DQX1: variants seen among roughly 807,000 people sequenced by gnomAD.
The protein encoded by DQX1 is ATP-dependent RNA helicase homolog DQX1.
A neutral mutation model predicts 81.3 loss-of-function variants in DQX1; 66 were observed. The ratio of observed to expected loss-of-function variants is 0.81; its 90% confidence interval spans 0.67 to 1.00. DQX1 has a LOEUF of 1.00. Among genes scored for constraint, DQX1 ranks in the 50% least tolerant of loss-of-function variants. DQX1 has a pLI of 0.00. For synonymous variants in DQX1, 290 were observed against 350.0 expected, an observed-to-expected ratio of 0.83 and a Z score of 1.91; for missense variants, 798 against 867.9, an observed-to-expected ratio of 0.92 and a Z score of 1.01.
Position 74,525,114 on chromosome 2 carries a change from C to T in DQX1, c.326G>A (p.Arg109Gln), listed in dbSNP as rs370340404. The T allele has an allele frequency of 1.7e-4, 278 of 1,614,054 alleles. No homozygotes were observed. The South Asian group carries it at 2.1e-3, about 12-fold the overall frequency. Reference sequence around the variant, plus strand: ...ATCAGCAACCCGCAGAGCCAGGCTCCGGGCTGCAAGAGGGTAGGGCTGAGT... The same window carrying T: ...ATCAGCAACCCGCAGAGCCAGGCTCTGGGCTGCAAGAGGGTAGGGCTGAGT... ...TVTQPYPLAA[R>Q]SLALRVADEM... The change falls in exon 3 of 12, where the codon CGG becomes CAG. Residue 109 changes from arginine (R) to glutamine (Q), a missense_variant. Arg to Gln is a conservative substitution (Grantham distance 43, BLOSUM62 1). Transcript: ENST00000404568. The surrounding 1 kb of genome is among the most constrained non-coding windows in gnomAD (Gnocchi z 4.1).
intron 8 of DQX1, among the ~76,000 whole-genome samples, chr2:74,522,328 T>C (rs964199642): frequency 6.6e-6 from 1 of 151,638 alleles, no homozygotes; most frequent in Non-Finnish European, 1.5e-5. Context: ...GAGGATAGGG[T>C]TGAGGAAGAG....
Position 74,519,594 on chromosome 2 carries a change from C to G in DQX1, c.1768G>C (p.Asp590His). ...CCTGACACCAGTGCTTTCTGAAGGT[C>G]TCTGCGATTCTGCTCAGAGCCAAAG... ...PAFGSEQNRR[D>H]LQKALVSGYF... The change falls in exon 10 of 12, where the codon GAC (aspartate) becomes CAC (histidine). Residue 590 changes from aspartate (D) to histidine (H), a missense_variant. Asp to His is a moderately conservative substitution (Grantham distance 81). Coordinates refer to ENST00000404568, the MANE Select transcript of DQX1 (RefSeq NM_133637.3). 6.2e-7 allele frequency: 1 copy of G among 1,614,218 alleles called. No individual in the cohort carries two copies. The highest frequency in any genetic ancestry group is 8.5e-7 in the Non-Finnish European group (1 of 1,180,040).
At position 74,523,506 on chromosome 2, in the gene DQX1, C is replaced by T. The variant is rs1374094004; in HGVS notation, c.848G>A (p.Arg283Lys). Reference protein sequence around the residue: ...EISLCCESLSREVESLLLQGL... With the variant: ...EISLCCESLSKEVESLLLQGL... ...TTGGAGAAGCAAGGACTCTACCTCC[C>T]TGGACAAGGATTCACAGCACAGGGA... The change falls in exon 5 of 12, where the codon AGG becomes AAG. Residue 283 changes from arginine (R) to lysine (K), a missense_variant. Physicochemically the swap from Arg to Lys is conservative, Grantham distance 26. Transcript: ENST00000404568. 1.2e-6 allele frequency: 2 copies of T among 1,613,876 alleles called. No individual in the cohort carries two copies. The highest frequency in any genetic ancestry group is 1.1e-5 in the South Asian group (1 of 91,068).
At chr2:74,522,487 A>G (rs980499778) in intron 8 of DQX1, 93 bp downstream of exon 8, 1 of 1,459,922 alleles carries the variant, frequency 6.8e-7, no homozygotes, top group Admixed American at 2.2e-5. Context: ...CAACTGGAGC[A>G]GAGAGGAAAG....
At position 74,519,090 on chromosome 2, in the gene DQX1, G is replaced by A. The variant is rs771492747; in HGVS notation, c.1947C>T (p.Thr649=). ...TGGAAAGGCAGTTGTCTTTGGATAT[G>A]GTGAAATTGTGGTAGAGCACCCATG... ...PPPWVLYHNF[T]ISKDNCLSIV... The change falls in exon 11 of 12, where the codon ACC becomes ACT. Residue 649 remains threonine, a synonymous_variant. Transcript: ENST00000404568. 1 of 1,602,208 alleles carries A rather than the reference G, an allele frequency of 6.2e-7. No individual in the cohort carries two copies. Among genetic ancestry groups the A allele is most frequent in the Non-Finnish European group, 8.5e-7 (1 of 1,176,200 alleles).
intron 10 of DQX1, 53 bp from the exon 11 acceptor site, chr2:74,519,283 A>G (rs1230653334): frequency 4.6e-6 from 7 of 1,511,480 alleles, no homozygotes; most frequent in South Asian, 1.3e-5. Context: ...AGAGGCAGGC[A>G]GTAGAAAAAA....
chr2:74,523,567 G>T, intron 4 of DQX1, 30 bp from the exon 5 acceptor site: 1 of 1,579,800 alleles, frequency 6.3e-7, no homozygotes, highest in Non-Finnish European at 8.7e-7. Flanking sequence ...GGGCATTAGG[G>T]CAGTTCTCAC....
rs1385763845 is a variant in DQX1 at position 74,520,039 on chromosome 2, A to G, written c.1496-5T>C. ...GACGGGTAAACCCAGGGGCAGCTGG[A>G]GGCAGAAGAGTGGAAGGTAGAATCT... is the stretch of plus-strand genomic sequence containing the variant. On this transcript the variant is annotated splice_region_variant and splice_polypyrimidine_tract_variant and intron_variant, in intron 8 of 11. Transcript: ENST00000404568. 8 of 1,610,544 alleles carry G rather than the reference A, an allele frequency of 5.0e-6. No homozygotes were observed. The highest frequency in any genetic ancestry group is 6.8e-6 in the Non-Finnish European group (8 of 1,177,196).
At position 74,525,374 on chromosome 2, in the gene DQX1, A is replaced by T. The variant is rs1443458362; in HGVS notation, c.237+119T>A. 9 of 1,280,936 alleles carry T rather than the reference A, an allele frequency of 7.0e-6. No homozygotes were observed. The African/African-American group carries it at 1.3e-4, about 19-fold the overall frequency. 79.3% of individuals were successfully genotyped at this position (1,280,936 alleles called of 1,614,324 possible). A position where few individuals can be genotyped will look rare whatever the true frequency, so the allele number is the denominator to read the frequency against. ...CCATCTCTCTTCGTTCACCTTCCTC[A>T]TGACCCCACGCAGCCCAGTCCCCCC... On this transcript the variant is annotated intron_variant, in intron 2 of 11. Coordinates refer to ENST00000404568, the MANE Select transcript of DQX1 (RefSeq NM_133637.3). The surrounding 1 kb of genome is among the most constrained non-coding windows in gnomAD (Gnocchi z 4.1).
Position 74,523,997 on chromosome 2 carries a change from C to A in DQX1, c.742G>T (p.Ala248Ser). 1 of 1,614,056 alleles carries A rather than the reference C, an allele frequency of 6.2e-7. No individual in the cohort carries two copies. Among genetic ancestry groups the A allele is most frequent in the Non-Finnish European group, 8.5e-7 (1 of 1,179,936 alleles). ...CACAATTCAAGCACTGCTTGGCAGG[C>A]AGCTTCCACCCGATCAGGTGGGATG... is the stretch of plus-strand genomic sequence containing the variant. Reference protein sequence around the residue: ...DTIPPDRVEAACQAVLELCRK... With the variant: ...DTIPPDRVEASCQAVLELCRK... Residue 248 changes from alanine to serine, a missense_variant, in exon 4 of 12, where the codon GCC (alanine) becomes TCC (serine). Transcript: ENST00000404568.
Position 74,523,479 on chromosome 2 carries a change from C to A in DQX1, c.875G>T (p.Gly292Val). 1 of 1,614,066 alleles carries A rather than the reference C, an allele frequency of 6.2e-7. No homozygotes were observed. The highest frequency in any genetic ancestry group is 8.5e-7 in the Non-Finnish European group (1 of 1,180,014). The change falls in exon 5 of 12, where the codon GGG becomes GTG. Residue 292 changes from glycine (G) to valine (V), a missense_variant. Physicochemically the swap from Gly to Val is moderately radical, Grantham distance 109 (BLOSUM62 -3). Coordinates refer to ENST00000404568, the MANE Select transcript of DQX1 (RefSeq NM_133637.3). ...SREVESLLLQ[G>V]LPPRVLPLHP... The stretch of plus-strand genomic sequence containing the variant: ...AAGGGGCAGTACTCGTGGTGGAAGC[C>A]CTTGGAGAAGCAAGGACTCTACCTC...
intron 8 of DQX1, among the ~76,000 whole-genome samples, 187 bp from the exon 9 acceptor site, chr2:74,520,221 A>G (rs543470514): frequency 6.6e-6 from 1 of 152,394 alleles, no homozygotes; most frequent in South Asian, 2.1e-4. Flanking sequence ...AGTCTCTGCC[A>G]TCAAGGAGCT....
chr2:74,524,036 TG>T lies in DQX1; in HGVS notation c.702del (p.Ile235SerfsTer31). 1 of 1,614,170 alleles carries T rather than the reference TG, an allele frequency of 6.2e-7. No homozygotes were observed. Among genetic ancestry groups the T allele is most frequent in the Middle Eastern group, 1.6e-4 (1 of 6,062 alleles). On this transcript the variant is annotated frameshift_variant, in exon 4 of 12. Coordinates refer to ENST00000404568, the MANE Select transcript of DQX1 (RefSeq NM_133637.3). LOFTEE classifies it high-confidence loss of function. Reference protein sequence around the residue: ...IPREPGERPSPIYWDTIPPDR... With the variant: ...IPREPGERPSXIYWDTIPPDR... The stretch of plus-strand genomic sequence containing the variant: ...TCAGGTGGGATGGTGTCCCAGTAGA[TG>T]GGGGAAGGTCTCTCACCAGGCTCTC...
chr2:74,519,682 A>T lies in DQX1; in HGVS notation c.1680T>A (p.His560Gln). Residue 560 changes from histidine (H) to glutamine (Q), a missense_variant, in exon 10 of 12, where the codon CAT becomes CAA. His to Gln is a conservative substitution (Grantham distance 24). Coordinates refer to ENST00000404568, the MANE Select transcript of DQX1 (RefSeq NM_133637.3). ...GTTCTAGGAGTTCTCCCCGAAGTTT[A>T]TGGGCTTGGCACAATGCTGCCCAAT... ...GLNWAALCQAHKLRGELLELM... is the reference protein window; with the variant it reads ...GLNWAALCQAQKLRGELLELM... 1.2e-6 allele frequency: 2 copies of T among 1,614,190 alleles called. No homozygotes were observed. Among genetic ancestry groups the T allele is most frequent in the Non-Finnish European group, 8.5e-7 (1 of 1,180,026 alleles).
Position 74,525,139 on chromosome 2 carries a change from T to A in DQX1, c.301A>T (p.Thr101Ser). 6.2e-7 allele frequency: 1 copy of A among 1,613,436 alleles called. No individual in the cohort carries two copies. The highest frequency in any genetic ancestry group is 8.5e-7 in the Non-Finnish European group (1 of 1,179,610). Reference protein sequence around the residue: ...RGFQKGQVTVTQPYPLAARSL... With the variant: ...RGFQKGQVTVSQPYPLAARSL... ...CGGGCTGCAAGAGGGTAGGGCTGAG[T>A]AACAGTAACCTGTCCTTTCTGGAAC... is the stretch of plus-strand genomic sequence containing the variant. Residue 101 changes from threonine to serine, a missense_variant, in exon 3 of 12, where the codon ACT becomes TCT. Physicochemically the swap from Thr to Ser is moderately conservative, Grantham distance 58. Coordinates refer to ENST00000404568, the MANE Select transcript of DQX1 (RefSeq NM_133637.3). This position sits in a 1 kb window ranked among gnomAD's most constrained non-coding sequence, Gnocchi z 4.1.
At position 74,519,041 on chromosome 2, in the gene DQX1, T is replaced by A; in HGVS notation, c.1996A>T (p.Met666Leu). ...TAGGAGGGATGTCAGGGAACTCACA[T>A]CTGTGGTTGAATCTCAGAAACAATG... Reference protein sequence around the residue: ...LSIVSEIQPQMLVELAPPYFL... With the variant: ...LSIVSEIQPQLLVELAPPYFL... Residue 666 changes from methionine (M) to leucine (L), a missense_variant and splice_region_variant, in exon 11 of 12, where the codon ATG becomes TTG. Transcript: ENST00000404568. The A allele has an allele frequency of 6.3e-7, 1 of 1,575,710 alleles. No individual in the cohort carries two copies. Among genetic ancestry groups the A allele is most frequent in the Non-Finnish European group, 8.6e-7 (1 of 1,159,760 alleles).
chr2:74,520,009 T>C lies in DQX1; in HGVS notation c.1521A>G (p.Pro507=), dbSNP rs1674985929. 1.9e-6 allele frequency: 3 copies of C among 1,613,688 alleles called. No individual in the cohort carries two copies. Among genetic ancestry groups the C allele is most frequent in the Non-Finnish European group, 2.5e-6 (3 of 1,179,736 alleles). The part of the protein sequence containing the change: ...LTAAPGFTRP[P]LSAEEAALRR... ...GCAGGGCAGCTTCTTCTGCACTGAGTGGAGGACGGGTAAACCCAGGGGCAG... is the reference window on the plus strand; with the variant it reads ...GCAGGGCAGCTTCTTCTGCACTGAGCGGAGGACGGGTAAACCCAGGGGCAG... The change falls in exon 9 of 12, where the codon CCA becomes CCG. Residue 507 remains proline, a synonymous_variant. Coordinates refer to ENST00000404568, the MANE Select transcript of DQX1 (RefSeq NM_133637.3).
In DQX1 at chr2:74,525,373, C is replaced by T; in HGVS notation, c.237+120G>A. ...CCCATCTCTCTTCGTTCACCTTCCT[C>T]ATGACCCCACGCAGCCCAGTCCCCC... On this transcript the variant is annotated intron_variant, in intron 2 of 11. Transcript: ENST00000404568. This position sits in a 1 kb window ranked among gnomAD's most constrained non-coding sequence, Gnocchi z 4.1. 2 of 1,281,022 alleles carry T rather than the reference C, an allele frequency of 1.6e-6. No individual in the cohort carries two copies. Among genetic ancestry groups the T allele is most frequent in the Admixed American group, 2.3e-5 (1 of 43,232 alleles). The allele number at this position is 1,281,022 out of a possible 1,614,324, so 79.4% of individuals were successfully genotyped here.
At chr2:74,520,160 T>A in intron 8 of DQX1, 126 bp from the exon 9 acceptor site, 1 of 1,232,456 alleles carries the variant, frequency 8.1e-7, no homozygotes, top group Non-Finnish European at 1.1e-6. Context: ...CATAGATAAC[T>A]TCTAGGTGCT....
Sources: gnomAD v4.1 joint callset for allele counts (sites outside exome capture counted in the v4.1 genomes callset) on GRCh38, gnomAD v4.1.1 for gene constraint, Gnocchi (gnomAD v3.1) non-coding constraint, MANE v1.5 for transcripts, NCBI Gene and HGNC (gene_info 2026-07-23, HGNC 2026-07-21) for gene names.